The following TBC1D30 variants were observed in gnomAD, a reference collection of about 807,000 sequenced individuals.
TBC1D30 encodes the protein TBC1 domain family, member 30.
In TBC1D30, 31 loss-of-function variants were observed where a neutral mutation model predicts 63.2. The ratio of observed to expected loss-of-function variants is 0.49; its 90% CI spans 0.37 to 0.66. The LOEUF is 0.66. TBC1D30 is among the 30% of genes least tolerant of loss of function. The pLI, the probability that TBC1D30 is intolerant of heterozygous loss-of-function variation, is 0.00. For synonymous variants in TBC1D30, 307 were observed against 361.5 expected, an observed-to-expected ratio of 0.85 and a Z score of 1.71; for missense variants, 810 against 953.6, an observed-to-expected ratio of 0.85 and a Z score of 1.98.
intron 8 of TBC1D30, among the ~76,000 whole-genome samples, chr12:64,852,916 T>A (rs1426005621): frequency 6.6e-6 from 1 of 152,086 alleles, no homozygotes; most frequent in Admixed American, 6.5e-5. Flanking sequence ...CTCTATGAGG[T>A]GTCTGTTGAC....
chr12:64,868,972 A>G (rs1193018123), intron 10 of TBC1D30, among the ~76,000 whole-genome samples: 1 of 151,244 alleles, frequency 6.6e-6, no homozygotes. Context: ...TGCATGTTTT[A>G]TTTCATTTTT....
intron 1 of TBC1D30, among the ~76,000 whole-genome samples, chr12:64,761,225 G>A (rs1213791580): frequency 6.6e-6 from 1 of 152,124 alleles, no homozygotes; most frequent in Non-Finnish European, 1.5e-5. Flanking sequence ...TATTTCATCT[G>A]TATCGAAGCC....
At chr12:64,830,723 C>T (rs1405324244) in intron 4 of TBC1D30, among the ~76,000 whole-genome samples, 2 of 152,184 alleles carry the variant, frequency 1.3e-5, no homozygotes, top group Non-Finnish European at 2.9e-5. Context: ...TGCAAATGAG[C>T]TTTCATTCAC....
intron 8 of TBC1D30, among the ~76,000 whole-genome samples, chr12:64,845,726 CAAAAA>C (rs71096005): frequency 2.4e-5 from 3 of 123,010 alleles, no homozygotes; most frequent in Admixed American, 8.2e-5. Context: ...GACTCCGTCT[CAAAAA>C]AAAAAAAAAA....
chr12:64,827,977 G>A lies in TBC1D30; in HGVS notation c.216+81G>A, dbSNP rs537538587. 5.5e-5 allele frequency: 53 copies of A among 961,804 alleles called. No homozygotes were observed. The African/African-American group carries it at 5.6e-4, about 10-fold the overall frequency. 59.6% of individuals were successfully genotyped at this position (961,804 alleles called of 1,614,324 possible). Reference sequence around the variant, plus strand: ...GATATATTCTCAAAGTGGAAATAACGTATTCTTTGATATGAATGTGAAGAT... The same window carrying A: ...GATATATTCTCAAAGTGGAAATAACATATTCTTTGATATGAATGTGAAGAT... On this transcript the variant is annotated intron_variant, in intron 2 of 11. Coordinates refer to ENST00000539867, the MANE Select transcript of TBC1D30 (RefSeq NM_015279.2).
Position 64,878,786 on chromosome 12 carries a change from G to A in TBC1D30, c.*2998G>A, listed in dbSNP as rs1360220431. On this transcript the variant is annotated 3_prime_UTR_variant, in exon 12 of 12. Coordinates refer to ENST00000539867, the MANE Select transcript of TBC1D30 (RefSeq NM_015279.2). Reference sequence around the variant, plus strand: ...AAGCTCTATCTCCCCCAGTCTAATCGCTGGGTTGCAGGGTGGCCTGTGACC... The same window carrying A: ...AAGCTCTATCTCCCCCAGTCTAATCACTGGGTTGCAGGGTGGCCTGTGACC... The A allele has an allele frequency of 3.1e-5, 9 of 292,610 alleles. No homozygotes were observed. In the East Asian group the frequency reaches 4.1e-4, roughly 13 times the overall value. The allele number at this position is 292,610 out of a possible 1,614,324, so 18.1% of individuals were successfully genotyped here.
intron 2 of TBC1D30, among the ~76,000 whole-genome samples, chr12:64,791,907 G>A (rs533964887): frequency 1.1e-4 from 16 of 151,990 alleles, no homozygotes; most frequent in African/African-American, 3.4e-4. Context: ...TTAAATTATC[G>A]ATCCAGCTTT....
At chr12:64,837,879 C>A (rs1331092776) in intron 6 of TBC1D30, among the ~76,000 whole-genome samples, 1 of 152,048 alleles carries the variant, frequency 6.6e-6, no homozygotes, top group Non-Finnish European at 1.5e-5. Context: ...ACCTCAGATT[C>A]TAGTCTCTGA....
upstream of TBC1D30, among the ~76,000 whole-genome samples, chr12:64,819,779 G>A (rs767013877): frequency 9.9e-5 from 15 of 152,190 alleles, no homozygotes; most frequent in African/African-American, 2.7e-4. Flanking sequence ...GTTAGCAGAC[G>A]CCACTTCACT....
At chr12:64,807,026 G>GGA (rs1284190950) in intron 2 of TBC1D30, among the ~76,000 whole-genome samples, 1 of 152,154 alleles carries the variant, frequency 6.6e-6, no homozygotes, top group Non-Finnish European at 1.5e-5. Flanking sequence ...CAGGGGCTGG[G>GGA]GAGAGAGAGA....
chr12:64,779,212 A>G (rs374321479), upstream of TBC1D30: 3 of 152,058 alleles, frequency 2.0e-5, no homozygotes, highest in South Asian at 4.1e-4. Flanking sequence ...AATAGGTCCA[A>G]TTTCAGTGTT....
At chr12:64,821,907 T>G (rs1873910639), upstream of TBC1D30, among the ~76,000 whole-genome samples, 1 of 152,240 alleles carries the variant, frequency 6.6e-6, no homozygotes, top group South Asian at 2.1e-4. Flanking sequence ...AGTGATGCCT[T>G]TTCAAAGAGT....
rs1165223273 is a variant in TBC1D30, at chr12:64,875,785, A to G, written c.2283A>G (p.Arg761=). ...GTGGAAACAGTGGCACTAAAAAACG[A>G]TGATGTCTCCCCGAAACTTTGTATC... ...PGGGNSGTKK[R] Residue 761 remains arginine (R), a synonymous_variant, in exon 12 of 12, where the codon CGA becomes CGG. Transcript: ENST00000539867. The G allele has an allele frequency of 5.9e-6, 9 of 1,527,854 alleles. No individual in the cohort carries two copies. The African/African-American group carries it at 6.9e-5, about 12-fold the overall frequency. The allele number at this position is 1,527,854 out of a possible 1,614,324, so 94.6% of individuals were successfully genotyped here.
chr12:64,781,698 T>TG (rs979400161), intron 1 of TBC1D30, among the ~76,000 whole-genome samples: 8 of 149,748 alleles, frequency 5.3e-5, no homozygotes, highest in Admixed American at 4.7e-4. Flanking sequence ...TTCCTTTTTT[T>TG]TTTTTTGTTT....
At chr12:64,764,837 G>A (rs1443022743) in intron 1 of TBC1D30, among the ~76,000 whole-genome samples, 1 of 152,164 alleles carries the variant, frequency 6.6e-6, no homozygotes, top group Non-Finnish European at 1.5e-5. Flanking sequence ...GCATTCACAG[G>A]GTGAAACACC....
At chr12:64,799,378 T>C (rs1336503877) in intron 2 of TBC1D30, among the ~76,000 whole-genome samples, 1 of 152,230 alleles carries the variant, frequency 6.6e-6, no homozygotes, top group Non-Finnish European at 1.5e-5. Flanking sequence ...GTATGTAAAA[T>C]GTTTAGAAAA....
chr12:64,861,769 G>A (rs928134620), intron 8 of TBC1D30, among the ~76,000 whole-genome samples: 20 of 152,172 alleles, frequency 1.3e-4, no homozygotes, highest in Non-Finnish European at 2.8e-4. Flanking sequence ...GCTATTATTA[G>A]GGTTTATAGG....
At chr12:64,832,779 C>A (rs930433811) in intron 5 of TBC1D30, among the ~76,000 whole-genome samples, 9 of 152,154 alleles carry the variant, frequency 5.9e-5, no homozygotes, top group Non-Finnish European at 1.5e-5. Context: ...AGATTTAATT[C>A]CTCACAGGCT....
exon 1 of TBC1D30, chr12:64,781,273 C>T: frequency 2.6e-6 from 3 of 1,144,736 alleles, no homozygotes; most frequent in Non-Finnish European, 2.2e-6. Context: ...AGATGCTGTA[C>T]CTGCGGCAGA....
Sources: allele counts gnomAD v4.1 joint callset (sites outside exome capture counted in the v4.1 genomes callset), GRCh38; gene constraint gnomAD v4.1.1; transcripts MANE v1.5; gene names NCBI Gene and HGNC (gene_info 2026-07-23, HGNC 2026-07-21).